The following TMEM87A variants were observed in gnomAD, a reference collection of about 807,000 sequenced individuals.
The protein encoded by TMEM87A is transmembrane protein 87A, also known as Golgi-pH regulating cation channel.
In TMEM87A, 50 loss-of-function variants were observed where a neutral mutation model predicts 90.0. That is an observed-to-expected ratio of 0.56 (90% CI 0.44 to 0.70). The LOEUF is 0.70. Among genes scored for constraint, TMEM87A ranks in the 30% least tolerant of loss-of-function variants. The pLI is 0.00. For missense variants in TMEM87A, 577 were observed against 660.5 expected (o/e 0.87, Z 1.39); for synonymous variants, 226 against 226.7 (o/e 1.00, Z 0.03).
chr15:42,253,048 T>C (rs2051114417), intron 6 of TMEM87A, among the ~76,000 whole-genome samples: 1 of 152,366 alleles, frequency 6.6e-6, no homozygotes. Context: ...CTATATTCCT[T>C]TAGCTTAGTG....
At chr15:42,237,675 G>C (rs1366046452) in intron 8 of TMEM87A, 60 bp from the exon 9 acceptor site, 21 of 1,274,248 alleles carry the variant, frequency 1.6e-5, no homozygotes, top group Non-Finnish European at 2.0e-5. Flanking sequence ...CAAGTCTGTA[G>C]ATTTAGAATC....
chr15:42,260,565 C>A (rs1483031546), intron 6 of TMEM87A, among the ~76,000 whole-genome samples: 1 of 152,132 alleles, frequency 6.6e-6, no homozygotes, highest in Non-Finnish European at 1.5e-5. Context: ...CCATACAATG[C>A]ATATTTATGA....
At chr15:42,226,743 A>T in intron 15 of TMEM87A, 63 bp downstream of exon 15, 1 of 1,418,720 alleles carries the variant, frequency 7.0e-7, no homozygotes, top group Non-Finnish European at 9.9e-7. Context: ...CCCCCAATGC[A>T]CCACCCCTAA....
At chr15:42,222,069 T>C (rs1379411147) in intron 15 of TMEM87A, among the ~76,000 whole-genome samples, 2 of 151,580 alleles carry the variant, frequency 1.3e-5, no homozygotes, top group African/African-American at 4.8e-5. Context: ...GTTTTTTTGG[T>C]TGTTTTTTTT....
chr15:42,245,665 C>T (rs535751595), intron 6 of TMEM87A, among the ~76,000 whole-genome samples: 3 of 151,690 alleles, frequency 2.0e-5, no homozygotes, highest in African/African-American at 7.3e-5. Context: ...GCTGGGATAA[C>T]AGGTGCATGA....
intron 7 of TMEM87A, among the ~76,000 whole-genome samples, chr15:42,243,264 T>A (rs1293147364): frequency 7.2e-6 from 1 of 139,662 alleles, no homozygotes; most frequent in East Asian, 2.2e-4. Context: ...TGAGATTCCA[T>A]CTCAAAAATA....
At chr15:42,262,454 T>C (rs2051313776) in intron 4 of TMEM87A, among the ~76,000 whole-genome samples, 1 of 95,634 alleles carries the variant, frequency 1.0e-5, no homozygotes, top group Admixed American at 1.0e-4. Context: ...TTTTTTTTTT[T>C]TTGAGACCAA....
At chr15:42,247,830 T>C (rs1482129200) in intron 6 of TMEM87A, among the ~76,000 whole-genome samples, 2 of 152,188 alleles carry the variant, frequency 1.3e-5, no homozygotes, top group Non-Finnish European at 2.9e-5. Context: ...AAGAAAGTCA[T>C]TGGTAGCTTG....
chr15:42,272,825 T>C (rs1226438617), intron 1 of TMEM87A: 1 of 409,628 alleles, frequency 2.4e-6, no homozygotes, highest in Non-Finnish European at 4.8e-6. Context: ...GTAAGCAGAA[T>C]TACCCAGGGA....
At chr15:42,226,742 C>A in intron 15 of TMEM87A, 64 bp downstream of exon 15, 2 of 1,408,516 alleles carry the variant, frequency 1.4e-6, no homozygotes, top group Middle Eastern at 1.8e-4. Flanking sequence ...TCCCCCAATG[C>A]ACCACCCCTA....
chr15:42,250,881 G>T (rs758262440), intron 6 of TMEM87A, among the ~76,000 whole-genome samples: 18 of 152,162 alleles, frequency 1.2e-4, no homozygotes, highest in Non-Finnish European at 2.9e-5. Context: ...ATACCAATCA[G>T]ATGTAGATTT....
At chr15:42,269,078 T>C (rs1359269985) in intron 2 of TMEM87A, among the ~76,000 whole-genome samples, 1 of 152,130 alleles carries the variant, frequency 6.6e-6, no homozygotes, top group Non-Finnish European at 1.5e-5. Flanking sequence ...GGAAGCTTCA[T>C]AAAGCTCATT....
chr15:42,219,240 C>A (rs541755605), intron 17 of TMEM87A, among the ~76,000 whole-genome samples: 3 of 152,214 alleles, frequency 2.0e-5, no homozygotes, highest in Admixed American at 2.0e-4. Flanking sequence ...GTCCATTGCC[C>A]ATTTTTAAAC....
intron 6 of TMEM87A, among the ~76,000 whole-genome samples, chr15:42,253,547 G>A (rs2051123493): frequency 6.6e-6 from 1 of 152,132 alleles, no homozygotes; most frequent in South Asian, 2.1e-4. Flanking sequence ...GGAGCCTCCA[G>A]GCAGGTGAAA....
chr15:42,211,805 A>G (rs575633254), intron 19 of TMEM87A, 56 bp from the exon 20 acceptor site: 102 of 1,476,946 alleles, frequency 6.9e-5, no homozygotes, highest in Non-Finnish European at 8.7e-5. Context: ...TATATTCCAA[A>G]TATCTTCTAT....
intron 2 of TMEM87A, among the ~76,000 whole-genome samples, chr15:42,270,217 A>G (rs1159235162): frequency 6.6e-6 from 1 of 151,708 alleles, no homozygotes; most frequent in Non-Finnish European, 1.5e-5. Context: ...CTAAAAATAC[A>G]AAAATTAGCC....
intron 4 of TMEM87A, 142 bp downstream of exon 4, chr15:42,263,948 C>G (rs2051346695): frequency 3.3e-6 from 2 of 609,732 alleles, no homozygotes; most frequent in Admixed American, 3.1e-5. Flanking sequence ...GTATAAGTGG[C>G]TGACTATGTA....
chr15:42,243,312 A>AT (rs1033106515), intron 7 of TMEM87A, among the ~76,000 whole-genome samples: 3 of 17,762 alleles, frequency 1.7e-4, no homozygotes, highest in African/African-American at 2.3e-4. Context: ...AAATAAATAA[A>AT]TAAAAAAAAA....
intron 15 of TMEM87A, among the ~76,000 whole-genome samples, chr15:42,226,156 C>T (rs1208754345): frequency 6.6e-6 from 1 of 152,080 alleles, no homozygotes; most frequent in Non-Finnish European, 1.5e-5. Flanking sequence ...TCCACCTCCA[C>T]ACTCAGTTAA....
Sources: gnomAD v4.1 joint callset for allele counts (sites outside exome capture counted in the v4.1 genomes callset) on GRCh38, gnomAD v4.1.1 for gene constraint, MANE v1.5 for transcripts, NCBI Gene and HGNC (gene_info 2026-07-23, HGNC 2026-07-21) for gene names.